Variants in RGS6 observed in about 807,000 individuals in gnomAD.
The protein encoded by RGS6 is regulator of G-protein signaling 6.
In RGS6, 30 loss-of-function variants were observed where a neutral mutation model predicts 78.5. The observed-to-expected ratio is 0.38, with a 90% CI of 0.29 to 0.52. RGS6 has a LOEUF of 0.52. Ranked by LOEUF, RGS6 falls within the 20% of genes least tolerant of loss-of-function variation. RGS6 has a pLI of 0.85. For missense variants in RGS6, 495 were observed against 609.7 expected (o/e 0.81, Z 1.98); for synonymous variants, 206 against 206.0 (o/e 1.00, Z 0.00).
intron 2 of RGS6, among the ~76,000 whole-genome samples, chr14:72,259,782 G>T (rs1306185214): frequency 6.6e-6 from 1 of 151,886 alleles, no homozygotes; most frequent in East Asian, 1.9e-4. Flanking sequence ...GCGGTGGCAG[G>T]CGCCTGTAGT....
At chr14:72,220,566 T>A (rs2190627) in intron 2 of RGS6, among the ~76,000 whole-genome samples, 2 of 152,092 alleles carry the variant, frequency 1.3e-5, no homozygotes, top group Non-Finnish European at 2.9e-5. Flanking sequence ...AAGTGCCTAC[T>A]GAAGGCAGCA....
At chr14:72,092,089 C>T (rs1030241472) in intron 2 of RGS6, among the ~76,000 whole-genome samples, 4 of 151,924 alleles carry the variant, frequency 2.6e-5, no homozygotes, top group African/African-American at 9.7e-5. Flanking sequence ...GTGAAGGTGC[C>T]ATCTCGGCTC....
At chr14:71,927,408 A>C in the RGS6 span, among the ~76,000 whole-genome samples, 1 of 152,204 alleles carries the variant, frequency 6.6e-6, no homozygotes, top group Non-Finnish European at 1.5e-5. Context: ...TAACACTGGA[A>C]ACAGAAAAAA....
chr14:72,204,902 A>G (rs1339350240), intron 2 of RGS6, among the ~76,000 whole-genome samples: 2 of 152,106 alleles, frequency 1.3e-5, no homozygotes, highest in East Asian at 3.9e-4. Context: ...CTACTCTTTA[A>G]TATAAGATTA....
chr14:71,932,203 C>G (rs919684432), upstream of RGS6, among the ~76,000 whole-genome samples: 1 of 152,178 alleles, frequency 6.6e-6, no homozygotes, highest in Non-Finnish European at 1.5e-5. Context: ...GAGCAAATCA[C>G]GGTCTGCGCC....
At chr14:72,388,092 T>C (rs758971281) in intron 3 of RGS6, among the ~76,000 whole-genome samples, 20 of 152,178 alleles carry the variant, frequency 1.3e-4, no homozygotes, top group Non-Finnish European at 2.5e-4. Context: ...ACTCCACATA[T>C]GAATTTTTGG....
chr14:72,538,926 G>A (rs974893776), intron 16 of RGS6, among the ~76,000 whole-genome samples: 4 of 152,196 alleles, frequency 2.6e-5, no homozygotes, highest in Non-Finnish European at 4.4e-5. Flanking sequence ...AGCACAGTCC[G>A]CAGACCCACA....
At chr14:72,357,257 G>T (rs1179679274) in intron 3 of RGS6, among the ~76,000 whole-genome samples, 1 of 149,432 alleles carries the variant, frequency 6.7e-6, no homozygotes, top group Non-Finnish European at 1.5e-5. Context: ...GTGAGACCCT[G>T]TCTCAGAAAA....
intron 2 of RGS6, among the ~76,000 whole-genome samples, chr14:72,302,671 C>G (rs1394928994): frequency 6.8e-6 from 1 of 146,202 alleles, no homozygotes; most frequent in Non-Finnish European, 1.5e-5. Flanking sequence ...CCCCAACACA[C>G]ACATACACAT....
the RGS6 span, among the ~76,000 whole-genome samples, chr14:72,622,975 G>A: frequency 8.7e-4 from 133 of 152,272 alleles, no homozygotes; most frequent in African/African-American, 3.0e-3. Context: ...GGTTGGATAA[G>A]TAAAAATTAT....
chr14:72,542,034 G>C (rs2097334208), intron 17 of RGS6, among the ~76,000 whole-genome samples: 1 of 152,180 alleles, frequency 6.6e-6, no homozygotes, highest in African/African-American at 2.4e-5. Flanking sequence ...CTTCCAGAGG[G>C]AGTTTCAGAG....
chr14:71,872,647 TC>T, the RGS6 span, among the ~76,000 whole-genome samples: 1 of 152,184 alleles, frequency 6.6e-6, no homozygotes, highest in Admixed American at 6.5e-5. Context: ...TAATTATACT[TC>T]TTTTTATTAT....
chr14:72,553,868 A>AG (rs1441426791), intron 17 of RGS6, among the ~76,000 whole-genome samples: 11 of 152,220 alleles, frequency 7.2e-5, no homozygotes, highest in Non-Finnish European at 1.6e-4. Flanking sequence ...CCATCAGGGG[A>AG]GAAAAAAGCT....
chr14:72,475,027 G>T (rs1376092787), intron 10 of RGS6, among the ~76,000 whole-genome samples: 1 of 151,228 alleles, frequency 6.6e-6, no homozygotes, highest in Non-Finnish European at 1.5e-5. Context: ...GTGGGTGGGG[G>T]TGGGGGGCTT....
At chr14:71,876,076 A>G in the RGS6 span, among the ~76,000 whole-genome samples, 1 of 152,134 alleles carries the variant, frequency 6.6e-6, no homozygotes, top group Non-Finnish European at 1.5e-5. Context: ...TATGTGGTCA[A>G]TTTTGGAATA....
At chr14:72,463,240 C>A (rs1053813140) in intron 6 of RGS6, among the ~76,000 whole-genome samples, 3 of 152,132 alleles carry the variant, frequency 2.0e-5, no homozygotes, top group Non-Finnish European at 4.4e-5. Flanking sequence ...CCAAGAGAAA[C>A]CAATATCTGA....
intron 2 of RGS6, among the ~76,000 whole-genome samples, chr14:72,070,806 C>G (rs556157757): frequency 2.0e-5 from 3 of 152,282 alleles, no homozygotes; most frequent in African/African-American, 4.8e-5. Flanking sequence ...TGGCCCAAGG[C>G]AAAAGCCAGC....
intron 2 of RGS6, among the ~76,000 whole-genome samples, chr14:72,274,909 C>T (rs2060455650): frequency 6.6e-6 from 1 of 152,328 alleles, no homozygotes; most frequent in South Asian, 2.1e-4. Flanking sequence ...TAACAGCAGA[C>T]AGAAACTAAT....
At chr14:72,056,223 G>A (rs1398901378) in intron 2 of RGS6, among the ~76,000 whole-genome samples, 1 of 152,182 alleles carries the variant, frequency 6.6e-6, no homozygotes, top group Non-Finnish European at 1.5e-5. Flanking sequence ...TAAGAAGCCT[G>A]CGCCGTGTCA....
Sources: allele counts gnomAD v4.1 joint callset (sites outside exome capture counted in the v4.1 genomes callset), GRCh38; gene constraint gnomAD v4.1.1; transcripts MANE v1.5; gene names NCBI Gene and HGNC (gene_info 2026-07-23, HGNC 2026-07-21).